The following DNAH10 variants were observed in gnomAD, a reference collection of about 807,000 sequenced individuals.
DNAH10 encodes the protein dynein axonemal heavy chain 10, also known as axonemal beta dynein heavy chain 10.
A neutral mutation model predicts 506.6 loss-of-function variants in DNAH10; 348 were observed. The ratio of observed to expected loss-of-function variants is 0.69; its 90% CI spans 0.63 to 0.75. DNAH10 has a LOEUF of 0.75. DNAH10 is among the 30% of genes least tolerant of loss of function. The pLI is 0.00. For synonymous variants in DNAH10, 2,059 were observed against 2,198.6 expected, an observed-to-expected ratio of 0.94 and a Z score of 1.78; for missense variants, 5,179 against 5,787.1, an observed-to-expected ratio of 0.89 and a Z score of 3.41.
intron 34 of DNAH10, 67 bp downstream of exon 34, chr12:123,848,949 C>G: frequency 6.4e-7 from 1 of 1,569,230 alleles, no homozygotes; most frequent in South Asian, 1.2e-5. Context: ...GGTAAGCTTC[C>G]TCTGTAGCGT....
chr12:123,844,396 G>A (rs973591440), intron 30 of DNAH10, among the ~76,000 whole-genome samples: 1 of 152,178 alleles, frequency 6.6e-6, no homozygotes, highest in Non-Finnish European at 1.5e-5. Context: ...TAGAAAAAAA[G>A]CTTTGTCTAA....
intron 29 of DNAH10, among the ~76,000 whole-genome samples, chr12:123,840,852 C>A (rs1303118543): frequency 6.6e-6 from 1 of 152,122 alleles, no homozygotes. Context: ...TCATTTGATT[C>A]TCCCAAGCCC....
intron 52 of DNAH10, among the ~76,000 whole-genome samples, chr12:123,892,196 A>C (rs560093813): frequency 6.6e-6 from 1 of 152,364 alleles, no homozygotes; most frequent in South Asian, 2.1e-4. Flanking sequence ...AAAGAGGTTC[A>C]TGTGGCTCAC....
chr12:123,877,610 C>T (rs1952312467), intron 47 of DNAH10, 126 bp from the exon 48 acceptor site: 3 of 1,325,614 alleles, frequency 2.3e-6, no homozygotes, highest in Non-Finnish European at 3.0e-6. Flanking sequence ...GCCACCGTGA[C>T]TGGCCAACTT....
rs764003218 is a variant in DNAH10 at position 123,932,030 on chromosome 12, G to T, written c.13218G>T (p.Arg4406Ser). ...FIGHIPNIWRRLAPDTLKSLG... is the reference protein window; with the variant it reads ...FIGHIPNIWRSLAPDTLKSLG... The stretch of plus-strand genomic sequence containing the variant: ...GGCATATCCCTAATATCTGGAGAAG[G>T]CTTGCTCCTGACACCTTAAAGTCCC... Residue 4406 changes from arginine (R) to serine (S), a missense_variant, in exon 76 of 79, where the codon AGG (arginine) becomes AGT (serine). Around this residue, in one of 3 missense-constraint regions of DNAH10, gnomAD observed 4,844 missense variants for 5,430.5 expected, o/e 0.89. Coordinates refer to ENST00000673944, the MANE Select transcript of DNAH10 (RefSeq NM_001372106.1). 15 of 1,614,004 alleles carry T rather than the reference G, an allele frequency of 9.3e-6. No homozygotes were observed. The highest frequency in any genetic ancestry group is 1.3e-5 in the Non-Finnish European group (15 of 1,179,908).
At chr12:123,914,643 G>A (rs968780650) in intron 61 of DNAH10, 93 bp downstream of exon 61, 8 of 1,449,352 alleles carry the variant, frequency 5.5e-6, no homozygotes, top group Non-Finnish European at 5.5e-6. Flanking sequence ...ATGGCCTGGG[G>A]GGCATCACCA....
Position 123,916,422 on chromosome 12 carries a change from G to A in DNAH10, c.10723-35G>A, listed in dbSNP as rs562597527. 20 of 1,580,348 alleles carry A rather than the reference G, an allele frequency of 1.3e-5. No individual in the cohort carries two copies. Among genetic ancestry groups the A allele is most frequent in the Middle Eastern group, 1.8e-4 (1 of 5,572 alleles). ...ATATTTGGCAGGGCCACAGTTAAAC[G>A]TGGGCTTTCAGCATCTGCCTCCCTT... On this transcript the variant is annotated intron_variant, in intron 62 of 78. Transcript: ENST00000673944. The surrounding 1 kb of genome is among the most constrained non-coding windows in gnomAD (Gnocchi z 4.6).
chr12:123,823,104 G>A (rs1328425874), intron 24 of DNAH10, among the ~76,000 whole-genome samples: 2 of 152,254 alleles, frequency 1.3e-5, no homozygotes, highest in Non-Finnish European at 2.9e-5. Flanking sequence ...ACTGGCCCAG[G>A]GAATGCTGCT....
intron 29 of DNAH10, among the ~76,000 whole-genome samples, chr12:123,840,424 A>G (rs1282878686): frequency 1.8e-5 from 1 of 56,550 alleles, no homozygotes; most frequent in South Asian, 5.6e-4. Context: ...TTTTTTTTTC[A>G]GACAGGGCGT....
At position 123,926,996 on chromosome 12, in the gene DNAH10, A is replaced by C; in HGVS notation, c.12105+176A>C. On this transcript the variant is annotated intron_variant, in intron 69 of 78. Transcript: ENST00000673944. This position sits in a 1 kb window ranked among gnomAD's most constrained non-coding sequence, Gnocchi z 4.1. ...AGATGACAATAATAGTTATGATTTC[A>C]CAACCTCATGTTGTGATCATGGTGC... 2.9e-6 allele frequency: 2 copies of C among 697,112 alleles called. No homozygotes were observed. The highest frequency in any genetic ancestry group is 4.7e-6 in the Non-Finnish European group (2 of 425,806). The allele number at this position is 697,112 out of a possible 1,614,324, so 43.2% of individuals were successfully genotyped here.
chr12:123,789,406 C>A (rs1232967821), intron 10 of DNAH10, among the ~76,000 whole-genome samples: 1 of 151,178 alleles, frequency 6.6e-6, no homozygotes, highest in Non-Finnish European at 1.5e-5. Context: ...GCATGTGAGA[C>A]AGAGTCTCGC....
At chr12:123,763,972 T>C (rs1956926764) in intron 1 of DNAH10, among the ~76,000 whole-genome samples, 1 of 151,558 alleles carries the variant, frequency 6.6e-6, no homozygotes, top group African/African-American at 2.4e-5. Context: ...TTCAAGCAAT[T>C]CTCCTGACTC....
intron 44 of DNAH10, among the ~76,000 whole-genome samples, chr12:123,871,067 T>C (rs1286206394): frequency 6.6e-6 from 1 of 152,318 alleles, no homozygotes; most frequent in Non-Finnish European, 1.5e-5. Flanking sequence ...GGTTGAAACC[T>C]GCCAGTGCAA....
At chr12:123,848,235 A>G in intron 33 of DNAH10, 140 bp downstream of exon 33, 1 of 1,284,904 alleles carries the variant, frequency 7.8e-7, no homozygotes, top group South Asian at 1.4e-5. Flanking sequence ...CAGCCCCAGA[A>G]CCTAAGTGTG....
chr12:123,786,018 A>T, intron 9 of DNAH10, 82 bp downstream of exon 9: 8 of 1,340,270 alleles, frequency 6.0e-6, no homozygotes, highest in Non-Finnish European at 7.1e-6. Flanking sequence ...CTATTGAGCT[A>T]TAATTCACAT....
At chr12:123,836,434 A>C (rs1368654145) in intron 28 of DNAH10, among the ~76,000 whole-genome samples, 1 of 152,186 alleles carries the variant, frequency 6.6e-6, no homozygotes, top group Non-Finnish European at 1.5e-5. Context: ...GTTAGAGTGA[A>C]TGTCTTAAGA....
chr12:123,829,258 C>T (rs988580584), intron 25 of DNAH10, among the ~76,000 whole-genome samples: 4 of 152,086 alleles, frequency 2.6e-5, no homozygotes, highest in South Asian at 2.1e-4. Flanking sequence ...GGGTTCACAG[C>T]ATTTCACAGG....
Position 123,898,669 on chromosome 12 carries a change from G to A in DNAH10, c.9495G>A (p.Leu3165=), listed in dbSNP as rs1953369382. Residue 3165 remains leucine (L), a synonymous_variant, in exon 56 of 79, where the codon CTG becomes CTA. Transcript: ENST00000673944. The part of the protein sequence containing the change: ...TQCNIAQCKR[L]DGGLDKLKEA... ...TTTCCTCAGCTCAGTGCAAGCGTCT[G>A]GATGGGGGACTGGACAAGCTGAAGG... 6.3e-7 allele frequency: 1 copy of A among 1,588,932 alleles called. No individual in the cohort carries two copies. Among genetic ancestry groups the A allele is most frequent in the Admixed American group, 1.8e-5 (1 of 56,094 alleles).
At chr12:123,930,178 G>A in intron 72 of DNAH10, 1 of 516,954 alleles carries the variant, frequency 1.9e-6, no homozygotes, top group Non-Finnish European at 3.3e-6. Context: ...CACTTCCTGA[G>A]GGCTTCTTAC....
Sources: allele counts gnomAD v4.1 joint callset (sites outside exome capture counted in the v4.1 genomes callset), GRCh38; gene constraint gnomAD v4.1.1; regional missense constraint gnomAD v4.1.1; non-coding constraint Gnocchi (gnomAD v3.1); transcripts MANE v1.5; gene names NCBI Gene and HGNC (gene_info 2026-07-23, HGNC 2026-07-21).